Variants in NBEA observed in about 807,000 individuals in gnomAD.
The protein encoded by NBEA is neurobeachin, also known as lysosomal-trafficking regulator 2.
In NBEA, 44 loss-of-function variants were observed where a neutral mutation model predicts 343.4. That is an observed-to-expected ratio of 0.13 (90% CI 0.10 to 0.16). The LOEUF (loss-of-function observed/expected upper bound fraction) is 0.16, where lower values mean the gene tolerates loss of function less well. Among genes scored for constraint, NBEA ranks in the 10% least tolerant of loss-of-function variants. The pLI, the probability that NBEA is intolerant of heterozygous loss-of-function variation, is 1.00. For synonymous variants in NBEA, 1,175 were observed against 1,238.7 expected (o/e 0.95, Z 1.08); for missense variants, 2,555 against 3,631.3 (o/e 0.70, Z 7.62).
intron 1 of NBEA, among the ~76,000 whole-genome samples, chr13:35,032,967 TG>T (rs1422456591): frequency 6.6e-6 from 1 of 151,964 alleles, no homozygotes. Context: ...CTCTTCACTT[TG>T]TTGATTGTTT....
chr13:35,509,327 G>C (rs1376956902), intron 41 of NBEA, among the ~76,000 whole-genome samples: 2 of 152,144 alleles, frequency 1.3e-5, no homozygotes, highest in Non-Finnish European at 2.9e-5. Flanking sequence ...CATGAGTCAG[G>C]AGGGAAGTTC....
intron 41 of NBEA, among the ~76,000 whole-genome samples, chr13:35,517,970 C>G (rs1194725142): frequency 1.3e-5 from 2 of 152,084 alleles, no homozygotes; most frequent in Non-Finnish European, 2.9e-5. Flanking sequence ...AAAGCCTTTA[C>G]TATGTTGAAA....
chr13:35,296,996 C>T (rs1258636501), intron 35 of NBEA, among the ~76,000 whole-genome samples: 1 of 151,858 alleles, frequency 6.6e-6, no homozygotes, highest in Non-Finnish European at 1.5e-5. Flanking sequence ...CCCATGTACC[C>T]TTCCCTCAGC....
chr13:35,131,987 G>A (rs2067455392), intron 17 of NBEA, among the ~76,000 whole-genome samples: 1 of 152,146 alleles, frequency 6.6e-6, no homozygotes, highest in Non-Finnish European at 1.5e-5. Context: ...CCACAGCATA[G>A]ACTACTTACT....
chr13:35,197,329 T>C (rs1367285496), intron 31 of NBEA, among the ~76,000 whole-genome samples: 1 of 152,090 alleles, frequency 6.6e-6, no homozygotes, highest in Non-Finnish European at 1.5e-5. Context: ...GTTTTTTTTG[T>C]TTTAGAAAGA....
At chr13:35,278,513 A>G (rs1042263353) in intron 34 of NBEA, among the ~76,000 whole-genome samples, 3 of 152,240 alleles carry the variant, frequency 2.0e-5, no homozygotes, top group Non-Finnish European at 2.9e-5. Flanking sequence ...AACAGATTCT[A>G]TAAATGATTT....
At chr13:34,962,195 A>C (rs1018509960) in intron 1 of NBEA, among the ~76,000 whole-genome samples, 2 of 152,010 alleles carry the variant, frequency 1.3e-5, no homozygotes, top group Non-Finnish European at 2.9e-5. Flanking sequence ...AAGATTTTTA[A>C]ATTAGATGAA....
chr13:34,969,973 C>T (rs2059949050), intron 1 of NBEA, among the ~76,000 whole-genome samples: 1 of 152,112 alleles, frequency 6.6e-6, no homozygotes, highest in South Asian at 2.1e-4. Context: ...AATCATTGCA[C>T]TATTTTCTAC....
At chr13:35,200,901 A>T (rs1369892156) in intron 31 of NBEA, among the ~76,000 whole-genome samples, 1 of 151,960 alleles carries the variant, frequency 6.6e-6, no homozygotes, top group Non-Finnish European at 1.5e-5. Context: ...TATTTTTAAA[A>T]ATATTGAGTA....
At chr13:35,424,985 G>A (rs976835960) in intron 38 of NBEA, among the ~76,000 whole-genome samples, 11 of 152,220 alleles carry the variant, frequency 7.2e-5, no homozygotes, top group African/African-American at 2.4e-4. Context: ...TGTGGGATCG[G>A]TGGTGATATA....
intron 1 of NBEA, among the ~76,000 whole-genome samples, chr13:34,991,361 C>T (rs2060743526): frequency 6.6e-6 from 1 of 152,206 alleles, no homozygotes; most frequent in Non-Finnish European, 1.5e-5. Flanking sequence ...GTACAGGAAG[C>T]ATGGCTGGAG....
intron 49 of NBEA, among the ~76,000 whole-genome samples, chr13:35,630,177 G>T (rs966686358): frequency 6.6e-6 from 1 of 152,070 alleles, no homozygotes. Context: ...TTAAATGAGG[G>T]TTTAAAAAGA....
At position 35,672,247 on chromosome 13, in the gene NBEA, CG is replaced by C. The variant is rs1362056337; in HGVS notation, c.*1258del. On this transcript the variant is annotated 3_prime_UTR_variant, in exon 59 of 59. Coordinates refer to ENST00000379939, the MANE Select transcript of NBEA (RefSeq NM_001385012.1). ...ATCGTCATAGATGTACATATTGTGTCGGTAGGGCTATGAGGCATGTTACAGG... is the reference window on the plus strand; with the variant it reads ...ATCGTCATAGATGTACATATTGTGTCGTAGGGCTATGAGGCATGTTACAGG... The C allele has an allele frequency of 6.6e-6, 1 of 152,464 alleles. No homozygotes were observed. The highest frequency in any genetic ancestry group is 1.5e-5 in the Non-Finnish European group (1 of 68,020). 9.4% of individuals were successfully genotyped at this position (152,464 alleles called of 1,614,324 possible). A position where few individuals can be genotyped will look rare whatever the true frequency, so the allele number is the denominator to read the frequency against.
chr13:35,464,374 C>T (rs2047062943), intron 40 of NBEA, among the ~76,000 whole-genome samples: 1 of 152,118 alleles, frequency 6.6e-6, no homozygotes, highest in Non-Finnish European at 1.5e-5. Flanking sequence ...CAAACTATTC[C>T]CCCTTGCTCA....
chr13:35,315,583 T>A (rs2152836547), intron 36 of NBEA, among the ~76,000 whole-genome samples: 1 of 152,258 alleles, frequency 6.6e-6, no homozygotes, highest in African/African-American at 2.4e-5. Flanking sequence ...AAATAAACCT[T>A]TGTCACTCTT....
Position 35,159,404 on chromosome 13 carries a change from C to G in NBEA, c.3233C>G (p.Pro1078Arg). ...EVKLDDMDLS[P>R]ETLVGGENGA... Reference sequence around the variant, plus strand: ...AAGCTCGATGATATGGATTTATCACCGGAGACTTTAGTAGGTGGAGAGAAT... The same window carrying G: ...AAGCTCGATGATATGGATTTATCACGGGAGACTTTAGTAGGTGGAGAGAAT... The change falls in exon 22 of 59, where the codon CCG becomes CGG. Residue 1078 changes from proline (P) to arginine (R), a missense_variant. Physicochemically the swap from Pro to Arg is moderately radical, Grantham distance 103. Around this residue, in one of 21 missense-constraint regions of NBEA, gnomAD observed 367 missense variants for 377.5 expected, o/e 0.97. Transcript: ENST00000379939. The G allele has an allele frequency of 6.2e-7, 1 of 1,613,186 alleles. No individual in the cohort carries two copies. Among genetic ancestry groups the G allele is most frequent in the Non-Finnish European group, 8.5e-7 (1 of 1,179,608 alleles).
chr13:35,143,181 A>G (rs546019718), intron 18 of NBEA, among the ~76,000 whole-genome samples: 2 of 152,308 alleles, frequency 1.3e-5, no homozygotes, highest in Admixed American at 1.3e-4. Context: ...AGGATTTTCA[A>G]ATTTCAGCGA....
At chr13:35,248,392 A>G (rs747117579) in intron 34 of NBEA, among the ~76,000 whole-genome samples, 5 of 152,210 alleles carry the variant, frequency 3.3e-5, no homozygotes, top group Non-Finnish European at 5.9e-5. Context: ...GTGTGGGGAA[A>G]AAAAGCCCTC....
chr13:35,244,066 T>G (rs1933691), intron 34 of NBEA, among the ~76,000 whole-genome samples: 146,196 of 151,890 alleles, frequency 0.96, 70,609 homozygotes, highest in East Asian at 1. Flanking sequence ...CATTTAAAAC[T>G]ATTAAAATCT....
Sources: gnomAD v4.1 joint callset for allele counts (sites outside exome capture counted in the v4.1 genomes callset) on GRCh38, gnomAD v4.1.1 for gene constraint, gnomAD v4.1.1 regional missense constraint, MANE v1.5 for transcripts, NCBI Gene and HGNC (gene_info 2026-07-23, HGNC 2026-07-21) for gene names.